Variants in RGS8 observed in about 807,000 individuals in gnomAD.
The protein encoded by RGS8 is regulator of G-protein signaling 8.
In RGS8, 8 loss-of-function variants were observed where a neutral mutation model predicts 21.7. The ratio of observed to expected loss-of-function variants is 0.37; its 90% CI spans 0.22 to 0.66. The LOEUF is 0.66. Among genes scored for constraint, RGS8 ranks in the 30% least tolerant of loss-of-function variants. RGS8 has a pLI of 0.59. For synonymous variants in RGS8, 80 were observed against 83.6 expected, an observed-to-expected ratio of 0.96 and a Z score of 0.24; for missense variants, 157 against 217.9, an observed-to-expected ratio of 0.72 and a Z score of 1.76.
the RGS8 span, among the ~76,000 whole-genome samples, chr1:182,729,493 G>A: frequency 6.6e-6 from 1 of 152,116 alleles, no homozygotes. Context: ...AACTCCCTTA[G>A]TCACATAATA....
At chr1:182,721,048 T>TATATGTGTGTATATATACATATATAC in the RGS8 span, among the ~76,000 whole-genome samples, 10 of 70,734 alleles carry the variant, frequency 1.4e-4, 4 homozygotes, top group East Asian at 3.8e-3. Flanking sequence ...TACATATACA[T>TATATGTGTGTATATATACATATATAC]ACATATATAT....
intron 5 of RGS8, among the ~76,000 whole-genome samples, chr1:182,662,035 G>A (rs754062213): frequency 6.6e-6 from 1 of 152,120 alleles, no homozygotes; most frequent in Admixed American, 6.5e-5. Context: ...TTAGCTAGTG[G>A]TTACTTCCTG....
At chr1:182,657,598 G>C (rs1663350340) in intron 5 of RGS8, among the ~76,000 whole-genome samples, 1 of 151,756 alleles carries the variant, frequency 6.6e-6, no homozygotes, top group East Asian at 1.9e-4. Flanking sequence ...ACTACTCTCT[G>C]ACCCCTGAAG....
chr1:182,740,282 AG>A, the RGS8 span, among the ~76,000 whole-genome samples: 1 of 152,352 alleles, frequency 6.6e-6, no homozygotes, highest in East Asian at 1.9e-4. Flanking sequence ...ACAATTCTAC[AG>A]TAAGTGCTAC....
chr1:182,645,771 A>G (rs987342645), downstream of RGS8: 1 of 152,186 alleles, frequency 6.6e-6, no homozygotes, highest in African/African-American at 2.4e-5. Context: ...GATACAGGGA[A>G]AGTATTAGGC....
chr1:182,747,166 C>G, the RGS8 span, among the ~76,000 whole-genome samples: 4 of 145,950 alleles, frequency 2.7e-5, no homozygotes, highest in African/African-American at 1.0e-4. Context: ...TCACAAAGCA[C>G]TGGGATTACA....
chr1:182,739,924 C>A, the RGS8 span, among the ~76,000 whole-genome samples: 1 of 152,184 alleles, frequency 6.6e-6, no homozygotes, highest in African/African-American at 2.4e-5. Context: ...CGTCCCTACC[C>A]ATACTGTTTT....
intron 4 of RGS8, among the ~76,000 whole-genome samples, chr1:182,666,389 C>T (rs1483416232): frequency 1.3e-5 from 2 of 152,166 alleles, no homozygotes; most frequent in Admixed American, 6.5e-5. Flanking sequence ...CCTACTGTCA[C>T]CTAAATGTCT....
chr1:182,751,838 G>A, the RGS8 span, among the ~76,000 whole-genome samples: 13 of 152,148 alleles, frequency 8.5e-5, no homozygotes, highest in South Asian at 2.1e-4. Flanking sequence ...TCCAGAATAC[G>A]TTGGAAACTC....
rs1663181604 is a variant in RGS8 at position 182,654,709 on chromosome 1, A to T, written c.194-6406T>A. 3.9e-5 allele frequency among the ~76,000 whole-genome samples: 6 copies of T among 151,976 alleles called. No individual in the cohort carries two copies. The South Asian group carries it at 1.2e-3, about 31-fold the overall frequency. ...CCTTGGAAAAGTAAATAAGAATGTG[A>T]TAAAAAAAAAACCGTCATACAATTG... is the stretch of plus-strand genomic sequence containing the variant. On this transcript the variant is annotated intron_variant, in intron 5 of 6. Coordinates refer to ENST00000483095, the Ensembl canonical transcript of RGS8.
chr1:182,732,272 TACACAC>T, the RGS8 span, among the ~76,000 whole-genome samples: 8 of 132,586 alleles, frequency 6.0e-5, no homozygotes, highest in South Asian at 1.0e-3. Context: ...CTCTCTCTCA[TACACAC>T]ACACACACAC....
At chr1:182,667,061 G>T in intron 3 of RGS8, 88 bp from the exon 5 acceptor site, 5 of 1,081,608 alleles carry the variant, frequency 4.6e-6, no homozygotes, top group Non-Finnish European at 5.7e-6. Context: ...CTGCTGCTAC[G>T]GGAGCCAGCA....
At chr1:182,692,038 C>T in the RGS8 span, among the ~76,000 whole-genome samples, 52 of 146,398 alleles carry the variant, frequency 3.6e-4, no homozygotes, top group African/African-American at 1.3e-3. Context: ...TAGAGTCTTG[C>T]TCTGTTGCCC....
chr1:182,732,667 C>T, the RGS8 span, among the ~76,000 whole-genome samples: 15 of 152,214 alleles, frequency 9.9e-5, no homozygotes, highest in South Asian at 1.0e-3. Flanking sequence ...GCATCTGAGC[C>T]AGAAACAATT....
chr1:182,660,315 C>T (rs149781654), intron 5 of RGS8, among the ~76,000 whole-genome samples: 1 of 152,174 alleles, frequency 6.6e-6, no homozygotes, highest in East Asian at 1.9e-4. Context: ...GGGTTAGAAG[C>T]CTGTCCAGTT....
the RGS8 span, among the ~76,000 whole-genome samples, chr1:182,697,781 C>A: frequency 6.6e-6 from 1 of 152,140 alleles, no homozygotes; most frequent in African/African-American, 2.4e-5. Context: ...CTCACCCCAG[C>A]CAATCCTCCT....
the RGS8 span, among the ~76,000 whole-genome samples, chr1:182,719,228 G>C: frequency 6.6e-6 from 1 of 152,172 alleles, no homozygotes; most frequent in African/African-American, 2.4e-5. Flanking sequence ...TAACGCTCAC[G>C]CTCATTCTTC....
chr1:182,654,374 G>A (rs10797788), intron 5 of RGS8, among the ~76,000 whole-genome samples: 115,030 of 152,186 alleles, frequency 0.76, 43,548 homozygotes, highest in Non-Finnish European at 0.78. Context: ...AAAGAAAAAA[G>A]GAAAGAGGTA....
At chr1:182,678,982 C>A (rs1571354863) in intron 1 of RGS8, among the ~76,000 whole-genome samples, 1 of 152,186 alleles carries the variant, frequency 6.6e-6, no homozygotes, top group Non-Finnish European at 1.5e-5. Context: ...ATTACACACA[C>A]CCTGACCTCC....
Sources: allele counts gnomAD v4.1 joint callset (sites outside exome capture counted in the v4.1 genomes callset), GRCh38; gene constraint gnomAD v4.1.1; transcripts MANE v1.5; gene names NCBI Gene and HGNC (gene_info 2026-07-23, HGNC 2026-07-21).